CADPS2: variants seen among roughly 807,000 people sequenced by gnomAD.
CADPS2 encodes the protein calcium dependent secretion activator 2.
Under a neutral mutation model 172.5 loss-of-function variants are expected in CADPS2, and 93 were observed. The observed-to-expected ratio is 0.54, with a 90% CI of 0.46 to 0.64. The LOEUF (loss-of-function observed/expected upper bound fraction) is 0.64, where lower values mean the gene tolerates loss of function less well. Ranked by LOEUF, CADPS2 falls within the 30% of genes least tolerant of loss-of-function variation. The probability of loss-of-function intolerance (pLI) is 0.00; values close to 1 mark genes in which losing one functional copy is unlikely to be tolerated. For synonymous variants in CADPS2, 546 were observed against 555.2 expected (o/e 0.98, Z 0.23); for missense variants, 1,420 against 1,565.9 (o/e 0.91, Z 1.57).
At chr7:122,441,764 A>T (rs1230460783) in intron 15 of CADPS2, among the ~76,000 whole-genome samples, 189 bp from the exon 16 acceptor site, 1 of 152,210 alleles carries the variant, frequency 6.6e-6, no homozygotes, top group East Asian at 1.9e-4. Flanking sequence ...AAAGACTTAA[A>T]CAATAAAAGT....
intron 5 of CADPS2, among the ~76,000 whole-genome samples, chr7:122,621,170 G>C (rs1252047438): frequency 6.6e-6 from 1 of 151,996 alleles, no homozygotes; most frequent in Non-Finnish European, 1.5e-5. Context: ...CCAAAGTGCT[G>C]GGATTACAGG....
At chr7:122,658,043 GA>G (rs1252137153) in intron 3 of CADPS2, among the ~76,000 whole-genome samples, 3 of 151,838 alleles carry the variant, frequency 2.0e-5, no homozygotes, top group Non-Finnish European at 4.4e-5. Flanking sequence ...AAATTTACAA[GA>G]AAAAAACAAA....
intron 3 of CADPS2, among the ~76,000 whole-genome samples, chr7:122,634,934 G>T (rs1289979908): frequency 6.6e-6 from 1 of 152,072 alleles, no homozygotes; most frequent in East Asian, 1.9e-4. Flanking sequence ...GGAGAAAATT[G>T]TTTAATTTCC....
At chr7:122,427,851 A>C (rs947753185) in intron 17 of CADPS2, among the ~76,000 whole-genome samples, 2 of 152,206 alleles carry the variant, frequency 1.3e-5, no homozygotes, top group African/African-American at 4.8e-5. Flanking sequence ...TTATACATTA[A>C]TTTGAGGGAA....
intron 3 of CADPS2, among the ~76,000 whole-genome samples, chr7:122,640,323 G>A (rs1039955929): frequency 1.3e-5 from 2 of 152,108 alleles, no homozygotes; most frequent in African/African-American, 4.8e-5. Context: ...CTTTGGGTGT[G>A]TGTGTACATT....
At chr7:122,781,141 GTTACT>G (rs958455237) in intron 1 of CADPS2, among the ~76,000 whole-genome samples, 2 of 152,084 alleles carry the variant, frequency 1.3e-5, no homozygotes, top group Admixed American at 6.5e-5. Flanking sequence ...AACCTTTGTT[GTTACT>G]TTAATTTGAA....
intron 8 of CADPS2, among the ~76,000 whole-genome samples, chr7:122,518,922 T>G (rs1443487552): frequency 3.9e-5 from 6 of 152,104 alleles, no homozygotes; most frequent in Admixed American, 2.6e-4. Flanking sequence ...TTTTTAACAT[T>G]AATTTCCACC....
At chr7:122,427,547 A>G (rs774324703) in intron 17 of CADPS2, 8 of 152,328 alleles carry the variant, frequency 5.3e-5, no homozygotes, top group Admixed American at 2.6e-4. Flanking sequence ...TATACATTAA[A>G]TAAGCCCATC....
intron 7 of CADPS2, among the ~76,000 whole-genome samples, chr7:122,579,007 T>C (rs1039160585): frequency 5.3e-5 from 8 of 152,080 alleles, no homozygotes; most frequent in African/African-American, 1.9e-4. Context: ...GGGATACAAG[T>C]CATAAGTTCT....
chr7:122,689,006 AC>A (rs986993867), intron 2 of CADPS2, among the ~76,000 whole-genome samples: 3 of 151,958 alleles, frequency 2.0e-5, no homozygotes, highest in Non-Finnish European at 2.9e-5. Context: ...CTTACATTCC[AC>A]CCCCTAGGCT....
intron 1 of CADPS2, among the ~76,000 whole-genome samples, chr7:122,883,482 A>G (rs754216237): frequency 3.9e-5 from 6 of 152,222 alleles, no homozygotes; most frequent in Non-Finnish European, 1.5e-5. Flanking sequence ...AGAATAAAAT[A>G]AACAACGGAT....
intron 15 of CADPS2, among the ~76,000 whole-genome samples, chr7:122,449,834 C>G (rs1218837900): frequency 2.6e-5 from 4 of 151,958 alleles, no homozygotes; most frequent in African/African-American, 9.7e-5. Context: ...GGGATTGTCT[C>G]ATGTACTGCA....
intron 2 of CADPS2, among the ~76,000 whole-genome samples, chr7:122,699,717 T>C (rs1281607858): frequency 2.0e-5 from 3 of 152,212 alleles, no homozygotes; most frequent in Non-Finnish European, 2.9e-5. Flanking sequence ...GTAGTAAGAC[T>C]GACAGGAGTA....
At chr7:122,393,975 G>T (rs2044734604) in intron 20 of CADPS2, among the ~76,000 whole-genome samples, 1 of 152,166 alleles carries the variant, frequency 6.6e-6, no homozygotes, top group Non-Finnish European at 1.5e-5. Flanking sequence ...GTGCTATGCT[G>T]TGTATCACAG....
Position 122,477,021 on chromosome 7 carries a change from AGGAGAGGAGAGGAGAGGAGAG to A in CADPS2, c.1862-2525_1862-2505del, listed in dbSNP as rs1563448165. On this transcript the variant is annotated intron_variant, in intron 12 of 29. Transcript: ENST00000449022. ...GGGAGAGGAGAGGAGAGGAGAGGAG[AGGAGAGGAGAGGAGAGGAGAG>A]GAGAGAGAGAAGAGAGAGAGAGAGA... is the stretch of plus-strand genomic sequence containing the variant. 2.4e-3 allele frequency among the ~76,000 whole-genome samples: 254 copies of A among 105,118 alleles called. 2 individuals carry two copies. Among genetic ancestry groups the A allele is most frequent in the African/African-American group, 1.0e-2 (230 of 23,068 alleles). 69.0% of individuals were successfully genotyped at this position (105,118 alleles called of 152,430 possible).
chr7:122,786,619 C>G (rs995601516), intron 1 of CADPS2, among the ~76,000 whole-genome samples: 3 of 152,084 alleles, frequency 2.0e-5, no homozygotes, highest in African/African-American at 7.2e-5. Context: ...ATAATTTTGC[C>G]TTTCAATTTT....
chr7:122,463,098 T>C (rs1325327269), intron 14 of CADPS2, among the ~76,000 whole-genome samples: 1 of 152,180 alleles, frequency 6.6e-6, no homozygotes, highest in Non-Finnish European at 1.5e-5. Flanking sequence ...AGTAAGACTT[T>C]AGAAGATCTT....
intron 2 of CADPS2, among the ~76,000 whole-genome samples, chr7:122,671,092 T>C (rs1027697271): frequency 9.2e-5 from 14 of 152,204 alleles, no homozygotes; most frequent in Non-Finnish European, 1.9e-4. Flanking sequence ...TCCTGTATCG[T>C]ACGCTGTTAC....
rs2060141188 is a variant in CADPS2 at position 122,513,435 on chromosome 7, C to T, written c.1476-120G>A. ...CCAGCCTGCTAAAGGCAAAGTTTAG[C>T]TCATTTGGAAAGTGAGACAACCTGC... is the stretch of plus-strand genomic sequence containing the variant. On this transcript the variant is annotated intron_variant, in intron 8 of 29. Coordinates refer to ENST00000449022, the MANE Select transcript of CADPS2 (RefSeq NM_017954.11). 5.3e-6 allele frequency: 4 copies of T among 749,164 alleles called. No individual in the cohort carries two copies. In the Admixed American group the frequency reaches 1.1e-4, roughly 21 times the overall value. The allele number at this position is 749,164 out of a possible 1,614,324, so 46.4% of individuals were successfully genotyped here. A position where few individuals can be genotyped will look rare whatever the true frequency, so the allele number is the denominator to read the frequency against.
Sources: allele counts gnomAD v4.1 joint callset (sites outside exome capture counted in the v4.1 genomes callset), GRCh38; gene constraint gnomAD v4.1.1; transcripts MANE v1.5; gene names NCBI Gene and HGNC (gene_info 2026-07-23, HGNC 2026-07-21).